Variants in ABCC1 observed in about 807,000 individuals in gnomAD.
ABCC1 encodes the protein ATP binding cassette subfamily C member 1 (ABCC1 blood group), also known as multidrug resistance-associated protein 1.
Under a neutral mutation model 172.9 loss-of-function variants are expected in ABCC1, and 83 were observed. The observed-to-expected ratio is 0.48, with a 90% CI of 0.40 to 0.58. ABCC1 has a LOEUF of 0.58. ABCC1 is among the 20% of genes least tolerant of loss of function. ABCC1 has a pLI of 0.00. For missense variants in ABCC1, 1,817 were observed against 2,002.7 expected, an observed-to-expected ratio of 0.91 and a Z score of 1.77; for synonymous variants, 937 against 825.2, an observed-to-expected ratio of 1.14 and a Z score of -2.32.
intron 21 of ABCC1, among the ~76,000 whole-genome samples, chr16:16,107,324 C>G (rs2152074320): frequency 6.6e-6 from 1 of 152,278 alleles, no homozygotes; most frequent in Admixed American, 6.5e-5. Flanking sequence ...GAGTCTCACT[C>G]TGTCACCAAG....
At chr16:16,071,919 C>T (rs1176226361) in intron 14 of ABCC1, among the ~76,000 whole-genome samples, 190 bp downstream of exon 14, 3 of 152,206 alleles carry the variant, frequency 2.0e-5, no homozygotes, top group Admixed American at 2.0e-4. Context: ...GCCTCCTGGG[C>T]TTCTGTCCTG....
At chr16:15,973,807 C>T (rs1003102893) in intron 1 of ABCC1, among the ~76,000 whole-genome samples, 12 of 150,870 alleles carry the variant, frequency 8.0e-5, no homozygotes, top group Admixed American at 2.0e-4. Context: ...GAGACCCAGT[C>T]TCTACACAAA....
chr16:16,111,306 C>T, intron 21 of ABCC1, 69 bp from the exon 22 acceptor site: 2 of 1,310,356 alleles, frequency 1.5e-6, no homozygotes, highest in East Asian at 2.4e-5. Context: ...AAGCCCCCGA[C>T]CTTGTGGGGC....
chr16:16,034,580 CTT>C (rs35163690), intron 6 of ABCC1, among the ~76,000 whole-genome samples: 10 of 84,678 alleles, frequency 1.2e-4, no homozygotes, highest in Admixed American at 2.8e-4. Flanking sequence ...TGTATGTTAA[CTT>C]TTTTTTTTTT....
intron 1 of ABCC1, among the ~76,000 whole-genome samples, chr16:16,006,574 T>G (rs2047539210): frequency 6.6e-6 from 1 of 151,786 alleles, no homozygotes; most frequent in South Asian, 2.1e-4. Context: ...GCTTTTTTTT[T>G]TTAAGTAAAA....
intron 1 of ABCC1, among the ~76,000 whole-genome samples, chr16:15,951,543 A>G (rs956319043): frequency 1.3e-5 from 2 of 152,024 alleles, no homozygotes; most frequent in East Asian, 3.9e-4. Flanking sequence ...GACCTTGCGT[A>G]TTTCTGCTGT....
At chr16:16,047,975 T>C (rs1567347064) in intron 9 of ABCC1, among the ~76,000 whole-genome samples, 167 bp from the exon 10 acceptor site, 1 of 152,134 alleles carries the variant, frequency 6.6e-6, no homozygotes, top group Non-Finnish European at 1.5e-5. Flanking sequence ...ATGTGGGCTT[T>C]GAGATGACAC....
intron 13 of ABCC1, among the ~76,000 whole-genome samples, chr16:16,070,077 C>T (rs571770553): frequency 1.3e-5 from 2 of 152,110 alleles, no homozygotes; most frequent in African/African-American, 2.4e-5. Flanking sequence ...ACACATCACT[C>T]AGATTCAACA....
At chr16:16,041,893 T>G (rs1324823338) in intron 7 of ABCC1, among the ~76,000 whole-genome samples, 1 of 152,086 alleles carries the variant, frequency 6.6e-6, no homozygotes, top group Non-Finnish European at 1.5e-5. Flanking sequence ...GTTCATGAGT[T>G]CGAGACCAGC....
intron 1 of ABCC1, among the ~76,000 whole-genome samples, chr16:16,004,964 C>G (rs996572291): frequency 9.2e-5 from 14 of 151,904 alleles, no homozygotes; most frequent in African/African-American, 3.4e-4. Flanking sequence ...CGCGCCCAAC[C>G]TAATAACTAG....
intron 28 of ABCC1, 36 bp from the exon 29 acceptor site, chr16:16,136,442 G>A: frequency 1.2e-6 from 2 of 1,608,472 alleles, no homozygotes; most frequent in South Asian, 1.1e-5. Context: ...CGTGACACAG[G>A]TGTCACATGC....
intron 20 of ABCC1, among the ~76,000 whole-genome samples, chr16:16,105,960 T>G (rs1406998945): frequency 6.6e-6 from 1 of 151,604 alleles, no homozygotes; most frequent in Non-Finnish European, 1.5e-5. Context: ...CACTGCAATT[T>G]CTGCCTCTGG....
At position 16,044,594 on chromosome 16, in the gene ABCC1, C is replaced by T; in HGVS notation, c.954C>T (p.Tyr318=). The part of the protein sequence containing the change: ...EWNPSLFKVL[Y]KTFGPYFLMS... Reference sequence around the variant, plus strand: ...ACCCCTCTCTGTTTAAGGTGTTATACAAGACCTTTGGGCCCTACTTCCTCA... The same window carrying T: ...ACCCCTCTCTGTTTAAGGTGTTATATAAGACCTTTGGGCCCTACTTCCTCA... Residue 318 remains tyrosine (Y), a synonymous_variant, in exon 8 of 31, where the codon TAC becomes TAT. Transcript: ENST00000399410. The T allele has an allele frequency of 6.2e-7, 1 of 1,614,188 alleles. No homozygotes were observed. Among genetic ancestry groups the T allele is most frequent in the Non-Finnish European group, 8.5e-7 (1 of 1,180,032 alleles).
In ABCC1 at chr16:16,110,732, C is replaced by T. The variant is rs150267598; in HGVS notation, c.2872-643C>T. Among the ~76,000 whole-genome samples the T allele has an allele frequency of 9.2e-4, 140 of 152,296 alleles. 2 individuals carry two copies. The East Asian group carries it at 0.024, about 26-fold the overall frequency. On this transcript the variant is annotated intron_variant, in intron 21 of 30. Coordinates refer to ENST00000399410, the MANE Select transcript of ABCC1 (RefSeq NM_004996.4). ...GTCACTTCCTCGAAGAAAACCTCCC[C>T]CAATACCTCTCTAGACTGCATTAGG...
intron 24 of ABCC1, among the ~76,000 whole-genome samples, chr16:16,124,381 G>A (rs1567432329): frequency 1.6e-4 from 17 of 103,308 alleles, no homozygotes; most frequent in African/African-American, 5.2e-4. Flanking sequence ...GCCCGGCTGT[G>A]TGTGTGTGTG....
At chr16:15,955,039 C>T (rs1042455517) in intron 1 of ABCC1, among the ~76,000 whole-genome samples, 14 of 152,264 alleles carry the variant, frequency 9.2e-5, no homozygotes, top group East Asian at 5.8e-4. Context: ...CTCGAGTCAT[C>T]GTTGGCCAGT....
chr16:16,116,093 A>T (rs1034356702), intron 23 of ABCC1, among the ~76,000 whole-genome samples: 1 of 151,646 alleles, frequency 6.6e-6, no homozygotes, highest in Non-Finnish European at 1.5e-5. Flanking sequence ...TTCAGTAGAG[A>T]CAAGGTTTCA....
chr16:16,072,973 C>T (rs980099630), intron 14 of ABCC1, among the ~76,000 whole-genome samples: 1 of 150,072 alleles, frequency 6.7e-6, no homozygotes, highest in Non-Finnish European at 1.5e-5. Flanking sequence ...ACCCAGGAGG[C>T]GGAGGTTGCA....
intron 17 of ABCC1, among the ~76,000 whole-genome samples, chr16:16,086,559 A>G (rs1273333230): frequency 1.3e-5 from 2 of 152,276 alleles, no homozygotes; most frequent in Non-Finnish European, 2.9e-5. Flanking sequence ...GGCTCAAGCC[A>G]TCTTCCCACT....
Sources: gnomAD v4.1 joint callset for allele counts (sites outside exome capture counted in the v4.1 genomes callset) on GRCh38, gnomAD v4.1.1 for gene constraint, MANE v1.5 for transcripts, NCBI Gene and HGNC (gene_info 2026-07-23, HGNC 2026-07-21) for gene names.